KLHL32: variants seen among roughly 807,000 people sequenced by gnomAD.
KLHL32 encodes kelch-like protein 32.
A neutral mutation model predicts 64.8 loss-of-function variants in KLHL32; 35 were observed. The observed-to-expected ratio is 0.54, with a 90% CI of 0.41 to 0.72. The LOEUF (loss-of-function observed/expected upper bound fraction) is 0.72. Among genes scored for constraint, KLHL32 ranks in the 30% least tolerant of loss-of-function variants. The pLI is 0.00. For synonymous variants in KLHL32, 259 were observed against 281.0 expected, an observed-to-expected ratio of 0.92 and a Z score of 0.78; for missense variants, 589 against 768.5, an observed-to-expected ratio of 0.77 and a Z score of 2.76.
rs1800590319 is a variant in KLHL32 at position 97,140,624 on chromosome 6, G to C, written c.*1342G>C. 6.6e-6 allele frequency: 1 copy of C among 151,890 alleles called. No individual in the cohort carries two copies. Among genetic ancestry groups the C allele is most frequent in the Non-Finnish European group, 1.5e-5 (1 of 67,820 alleles). The allele number at this position is 151,890 out of a possible 1,614,324, so 9.4% of individuals were successfully genotyped here. ...GGACCTAGGTCACCTTTATTAAAAG[G>C]AAGAATTCACTCTTTTTTCCTTGGC... is the stretch of plus-strand genomic sequence containing the variant. On this transcript the variant is annotated 3_prime_UTR_variant, in exon 11 of 11. Coordinates refer to ENST00000369261, the MANE Select transcript of KLHL32 (RefSeq NM_052904.4).
chr6:97,052,450 C>G (rs554495996), intron 4 of KLHL32, among the ~76,000 whole-genome samples: 10 of 152,366 alleles, frequency 6.6e-5, no homozygotes, highest in African/African-American at 2.4e-4. Flanking sequence ...CCAATGTATT[C>G]TGACACAGAA....
At chr6:96,967,998 A>G (rs1484198568) in intron 2 of KLHL32, among the ~76,000 whole-genome samples, 1 of 152,228 alleles carries the variant, frequency 6.6e-6, no homozygotes, top group African/African-American at 2.4e-5. Context: ...CTTCAGAGCA[A>G]AGAATAAGAG....
chr6:97,132,980 T>C (rs1334950592), intron 10 of KLHL32, among the ~76,000 whole-genome samples: 1 of 152,212 alleles, frequency 6.6e-6, no homozygotes, highest in African/African-American at 2.4e-5. Context: ...AAAATATATG[T>C]AATATATATT....
chr6:97,133,664 A>G (rs1040046442), intron 10 of KLHL32, among the ~76,000 whole-genome samples: 2 of 152,118 alleles, frequency 1.3e-5, no homozygotes, highest in African/African-American at 4.8e-5. Flanking sequence ...ATCCTTAGTT[A>G]TATCTCCCTT....
chr6:96,900,243 A>G, the KLHL32 span, among the ~76,000 whole-genome samples: 1 of 152,208 alleles, frequency 6.6e-6, no homozygotes, highest in Non-Finnish European at 1.5e-5. Flanking sequence ...ACACAGATTA[A>G]AAATATGTGT....
chr6:97,094,417 A>G (rs1252807022), intron 6 of KLHL32, among the ~76,000 whole-genome samples: 1 of 152,204 alleles, frequency 6.6e-6, no homozygotes, highest in Admixed American at 6.5e-5. Flanking sequence ...CTTCTGCTAC[A>G]AGGAAAAATA....
At chr6:96,972,922 G>A (rs1237314330) in intron 2 of KLHL32, among the ~76,000 whole-genome samples, 1 of 152,166 alleles carries the variant, frequency 6.6e-6, no homozygotes, top group Non-Finnish European at 1.5e-5. Flanking sequence ...CTGTGGCCAC[G>A]TGTGCCTTAA....
chr6:96,898,721 C>T, the KLHL32 span, among the ~76,000 whole-genome samples: 1 of 151,534 alleles, frequency 6.6e-6, no homozygotes, highest in Non-Finnish European at 1.5e-5. Flanking sequence ...AACAAAAAAA[C>T]GAGTGTTACA....
At chr6:96,964,394 C>A (rs1426311049) in intron 1 of KLHL32, among the ~76,000 whole-genome samples, 2 of 152,238 alleles carry the variant, frequency 1.3e-5, no homozygotes, top group African/African-American at 4.8e-5. Flanking sequence ...TGGCTCATGC[C>A]TGTAATGGCA....
At chr6:97,109,640 C>T (rs1000051152) in intron 6 of KLHL32, among the ~76,000 whole-genome samples, 3 of 152,072 alleles carry the variant, frequency 2.0e-5, no homozygotes, top group African/African-American at 7.2e-5. Flanking sequence ...AAAGATAAAC[C>T]GGAGGGTGTT....
chr6:96,919,621 A>G (rs1409725826), upstream of KLHL32, among the ~76,000 whole-genome samples: 5 of 152,188 alleles, frequency 3.3e-5, no homozygotes, highest in Non-Finnish European at 7.3e-5. Context: ...TTATTTTCCA[A>G]TAATGCAATT....
intron 6 of KLHL32, among the ~76,000 whole-genome samples, chr6:97,095,710 T>C (rs1001773814): frequency 2.0e-5 from 3 of 152,176 alleles, no homozygotes; most frequent in Non-Finnish European, 4.4e-5. Flanking sequence ...CATTCATTGA[T>C]AAAGCTTGTG....
At chr6:96,905,083 A>G in the KLHL32 span, among the ~76,000 whole-genome samples, 6 of 152,170 alleles carry the variant, frequency 3.9e-5, no homozygotes, top group East Asian at 5.8e-4. Context: ...TTTGATTCCA[A>G]TGAGATCTTT....
At chr6:96,930,786 TC>T (rs1769777363) in intron 1 of KLHL32, among the ~76,000 whole-genome samples, 1 of 152,064 alleles carries the variant, frequency 6.6e-6, no homozygotes. Context: ...AAGCCACTGT[TC>T]CCTCTTTTAT....
intron 1 of KLHL32, among the ~76,000 whole-genome samples, chr6:96,938,270 T>TG (rs1239033003): frequency 6.7e-6 from 1 of 149,202 alleles, no homozygotes; most frequent in African/African-American, 2.5e-5. Context: ...AATTCCATAG[T>TG]GGAAAAAAAA....
At chr6:96,907,141 A>G in the KLHL32 span, among the ~76,000 whole-genome samples, 1 of 152,240 alleles carries the variant, frequency 6.6e-6, no homozygotes, top group African/African-American at 2.4e-5. Context: ...GCTTTGTTAG[A>G]AATCTAATGG....
chr6:97,084,728 C>G (rs948017580), intron 5 of KLHL32, among the ~76,000 whole-genome samples: 9 of 152,118 alleles, frequency 5.9e-5, no homozygotes, highest in Admixed American at 5.9e-4. Context: ...TCATGAATCG[C>G]CATTTACCTG....
At chr6:96,923,755 AACTTCT>A (rs1261582814), upstream of KLHL32, among the ~76,000 whole-genome samples, 4 of 152,354 alleles carry the variant, frequency 2.6e-5, no homozygotes, top group South Asian at 8.3e-4. Context: ...TTAAATCCTG[AACTTCT>A]ACAAAATACA....
chr6:97,006,238 T>A (rs1419772541), intron 3 of KLHL32, among the ~76,000 whole-genome samples: 1 of 152,218 alleles, frequency 6.6e-6, no homozygotes. Flanking sequence ...TTTCATTGAG[T>A]GAGTCCTTCA....
Sources: allele counts gnomAD v4.1 joint callset (sites outside exome capture counted in the v4.1 genomes callset), GRCh38; gene constraint gnomAD v4.1.1; transcripts MANE v1.5; gene names NCBI Gene and HGNC (gene_info 2026-07-23, HGNC 2026-07-21).